Variants in RBMS1 observed in about 807,000 individuals in gnomAD.
RBMS1 encodes RNA-binding motif, single-stranded-interacting protein 1.
Under a neutral mutation model 62.3 loss-of-function variants are expected in RBMS1, and 17 were observed. That is an observed-to-expected ratio of 0.27 (90% confidence interval 0.19 to 0.41). RBMS1 has a LOEUF of 0.41. Among genes scored for constraint, RBMS1 ranks in the 10% least tolerant of loss-of-function variants. The pLI is 1.00. For synonymous variants in RBMS1, 172 were observed against 170.0 expected, an observed-to-expected ratio of 1.01 and a Z score of -0.09; for missense variants, 334 against 504.5, an observed-to-expected ratio of 0.66 and a Z score of 3.24.
chr2:160,418,937 A>G (rs1696308766), intron 1 of RBMS1, among the ~76,000 whole-genome samples: 1 of 152,220 alleles, frequency 6.6e-6, no homozygotes, highest in Admixed American at 6.5e-5. Context: ...GGAATGAATG[A>G]ATAAGCAATA....
At chr2:160,306,600 C>T (rs1402920827) in intron 4 of RBMS1, among the ~76,000 whole-genome samples, 2 of 151,430 alleles carry the variant, frequency 1.3e-5, no homozygotes, top group Non-Finnish European at 2.9e-5. Context: ...CAAACATTGT[C>T]CACAAAGTTG....
intron 1 of RBMS1, among the ~76,000 whole-genome samples, chr2:160,413,341 GA>G (rs150977530): frequency 8.6e-5 from 13 of 150,714 alleles, no homozygotes; most frequent in African/African-American, 1.7e-4. Flanking sequence ...CAAAACAGGA[GA>G]AAAAAAAAGA....
rs142800998 is a variant in RBMS1 at position 160,404,966 on chromosome 2, G to A, written c.76-37575C>T. On this transcript the variant is annotated intron_variant, in intron 1 of 13. Transcript: ENST00000348849. ...TGGCTTGGAAGGGAGTGATTGTCAG[G>A]GTTCAAATCCTGGCTCTGCACTTTG... Among the ~76,000 whole-genome samples the A allele has an allele frequency of 2.7e-4, 41 of 152,284 alleles. 1 individual carries two copies. The East Asian group carries it at 7.1e-3, about 27-fold the overall frequency.
At chr2:160,300,557 A>AGG in intron 6 of RBMS1, 94 bp downstream of exon 6, 2 of 1,395,520 alleles carry the variant, frequency 1.4e-6, no homozygotes, top group Non-Finnish European at 1.9e-6. Flanking sequence ...GAGTGAAATG[A>AGG]GGGGTTTTTG....
Position 160,443,850 on chromosome 2 carries a change from A to G in RBMS1, c.75+49439T>C, listed in dbSNP as rs566067819. Among the ~76,000 whole-genome samples, 96 of 152,332 alleles carry G rather than the reference A, an allele frequency of 6.3e-4. 2 individuals carry two copies. The highest frequency in any genetic ancestry group is 6.2e-3 in the South Asian group (30 of 4,832). On this transcript the variant is annotated intron_variant, in intron 1 of 13. Transcript: ENST00000348849. ...AACACAAGAAATAGAATATTGGTCAATGAATTAGGCCACTCTACTTTACTT... is the reference window on the plus strand; with the variant it reads ...AACACAAGAAATAGAATATTGGTCAGTGAATTAGGCCACTCTACTTTACTT...
chr2:160,375,057 A>C (rs1693925099), intron 1 of RBMS1, among the ~76,000 whole-genome samples: 1 of 152,194 alleles, frequency 6.6e-6, no homozygotes, highest in African/African-American at 2.4e-5. Flanking sequence ...GTGTGAAATA[A>C]GCAGGTTAGC....
intron 1 of RBMS1, among the ~76,000 whole-genome samples, chr2:160,458,912 T>C (rs752231486): frequency 6.6e-6 from 1 of 152,206 alleles, no homozygotes; most frequent in Non-Finnish European, 1.5e-5. Context: ...TTACACTGCA[T>C]TCACTTTAGA....
At chr2:160,320,549 T>G (rs920255534) in intron 2 of RBMS1, among the ~76,000 whole-genome samples, 9 of 152,182 alleles carry the variant, frequency 5.9e-5, no homozygotes, top group African/African-American at 2.2e-4. Context: ...GGATCCCTCA[T>G]GAATAGCTTG....
At chr2:160,438,740 T>C (rs1344539112) in intron 1 of RBMS1, among the ~76,000 whole-genome samples, 1 of 152,250 alleles carries the variant, frequency 6.6e-6, no homozygotes, top group Non-Finnish European at 1.5e-5. Flanking sequence ...AAAACCGCCA[T>C]TGTCATCATG....
intron 6 of RBMS1, 70 bp downstream of exon 6, chr2:160,300,581 T>C (rs1689156680): frequency 6.7e-7 from 1 of 1,481,608 alleles, no homozygotes; most frequent in Non-Finnish European, 8.9e-7. Context: ...TATTGAAGAG[T>C]CATCATGTGC....
intron 6 of RBMS1, among the ~76,000 whole-genome samples, chr2:160,290,797 G>A (rs1688634391): frequency 6.6e-6 from 1 of 152,144 alleles, no homozygotes; most frequent in African/African-American, 2.4e-5. Context: ...AGCCATCTAA[G>A]GTAATCATGT....
intron 4 of RBMS1, among the ~76,000 whole-genome samples, chr2:160,307,576 T>C (rs917747367): frequency 1.3e-5 from 2 of 152,240 alleles, no homozygotes; most frequent in African/African-American, 2.4e-5. Flanking sequence ...ATTTGAAAGA[T>C]GTACACATTT....
intron 1 of RBMS1, among the ~76,000 whole-genome samples, chr2:160,393,504 G>A (rs1170745237): frequency 1.3e-5 from 2 of 152,248 alleles, no homozygotes; most frequent in African/African-American, 2.4e-5. Flanking sequence ...CTGGCCGGGC[G>A]CGGTGGCTCA....
intron 1 of RBMS1, among the ~76,000 whole-genome samples, chr2:160,370,685 A>G (rs2105165197): frequency 6.6e-6 from 1 of 152,354 alleles, no homozygotes; most frequent in Admixed American, 6.5e-5. Flanking sequence ...GCCTTCAAAC[A>G]GTACTCTACG....
intron 1 of RBMS1, 123 bp from the exon 2 acceptor site, chr2:160,367,514 T>C (rs1225797243): frequency 6.8e-6 from 10 of 1,459,928 alleles, no homozygotes; most frequent in Non-Finnish European, 8.1e-6. Flanking sequence ...AATTTTAATT[T>C]ACACTTTAAA....
intron 1 of RBMS1, among the ~76,000 whole-genome samples, chr2:160,382,980 A>G (rs1694355761): frequency 6.6e-6 from 1 of 152,210 alleles, no homozygotes; most frequent in East Asian, 1.9e-4. Context: ...TACGATTTAT[A>G]CAGTAACTAC....
intron 2 of RBMS1, among the ~76,000 whole-genome samples, chr2:160,329,563 G>A (rs927925052): frequency 1.3e-5 from 2 of 152,054 alleles, no homozygotes; most frequent in East Asian, 1.9e-4. Flanking sequence ...GAAAATCAGA[G>A]AGGAATTATC....
intron 2 of RBMS1, among the ~76,000 whole-genome samples, chr2:160,364,224 C>T (rs574633371): frequency 2.1e-4 from 32 of 152,202 alleles, no homozygotes; most frequent in African/African-American, 3.4e-4. Context: ...GTTCCATTTC[C>T]TGAACTTGCT....
At chr2:160,325,660 T>C (rs1458679629) in intron 2 of RBMS1, among the ~76,000 whole-genome samples, 3 of 152,158 alleles carry the variant, frequency 2.0e-5, no homozygotes, top group Non-Finnish European at 4.4e-5. Flanking sequence ...GAACACAAAG[T>C]ATACATTACG....
Sources: allele counts gnomAD v4.1 joint callset (sites outside exome capture counted in the v4.1 genomes callset), GRCh38; gene constraint gnomAD v4.1.1; transcripts MANE v1.5; gene names NCBI Gene and HGNC (gene_info 2026-07-23, HGNC 2026-07-21).